The following ALPK2 variants were observed in gnomAD, a reference collection of about 807,000 sequenced individuals.
The protein encoded by ALPK2 is alpha-protein kinase 2.
A neutral mutation model predicts 163.1 loss-of-function variants in ALPK2; 127 were observed. The ratio of observed to expected loss-of-function variants is 0.78; its 90% CI spans 0.67 to 0.90. ALPK2 has a LOEUF of 0.90. Among genes scored for constraint, ALPK2 ranks in the 40% least tolerant of loss-of-function variants. The probability of loss-of-function intolerance (pLI) is 0.00; values close to 1 mark genes in which losing one functional copy is unlikely to be tolerated. For synonymous variants in ALPK2, 953 were observed against 959.1 expected, an observed-to-expected ratio of 0.99 and a Z score of 0.12; for missense variants, 2,360 against 2,589.6, an observed-to-expected ratio of 0.91 and a Z score of 1.92.
At chr18:58,494,333 A>C (rs1366563204) in intron 12 of ALPK2, among the ~76,000 whole-genome samples, 13 of 152,206 alleles carry the variant, frequency 8.5e-5, no homozygotes, top group Non-Finnish European at 1.5e-4. Flanking sequence ...ACATAATTAT[A>C]TCTCTGGCTC....
intron 10 of ALPK2, among the ~76,000 whole-genome samples, 184 bp downstream of exon 10, chr18:58,514,809 A>G (rs1249468273): frequency 6.7e-6 from 1 of 149,036 alleles, no homozygotes; most frequent in African/African-American, 2.4e-5. Flanking sequence ...TAATATTATT[A>G]TATTATATAA....
chr18:58,559,752 TA>T (rs1177446454), intron 4 of ALPK2, among the ~76,000 whole-genome samples: 1 of 152,222 alleles, frequency 6.6e-6, no homozygotes, highest in Non-Finnish European at 1.5e-5. Context: ...TCAGATTTTC[TA>T]AGCCAAAGAC....
At position 58,535,569 on chromosome 18, in the gene ALPK2, G is replaced by A. The variant is rs771622829; in HGVS notation, c.4618C>T (p.Pro1540Ser). 10 of 1,614,100 alleles carry A rather than the reference G, an allele frequency of 6.2e-6. No homozygotes were observed. Among genetic ancestry groups the A allele is most frequent in the Admixed American group, 3.3e-5 (2 of 60,008 alleles). Residue 1540 changes from proline to serine, a missense_variant, in exon 5 of 13, where the codon CCT (proline) becomes TCT (serine). Pro to Ser is a moderately conservative substitution (Grantham distance 74). Transcript: ENST00000361673. Reference protein sequence around the residue: ...DKAELISPTSPLSSCLPIMTH... With the variant: ...DKAELISPTSSLSSCLPIMTH... ...ATTATTGGAAGACAACTAGAAAGAG[G>A]TGAAGTGGGGGAAATCAATTCTGCT...
At chr18:58,585,680 CTTTTTT>C (rs71173066) in intron 3 of ALPK2, among the ~76,000 whole-genome samples, 1 of 77,634 alleles carries the variant, frequency 1.3e-5, no homozygotes. Context: ...TTCTATGTTG[CTTTTTT>C]TTTTTTTTTT....
chr18:58,541,291 G>T (rs145412784), intron 4 of ALPK2, among the ~76,000 whole-genome samples: 204 of 152,314 alleles, frequency 1.3e-3, no homozygotes, highest in African/African-American at 4.8e-3. Flanking sequence ...AGCGAGCAAG[G>T]GGGAGGTGCC....
At chr18:58,626,428 T>G (rs2144246991) in intron 1 of ALPK2, among the ~76,000 whole-genome samples, 1 of 152,260 alleles carries the variant, frequency 6.6e-6, no homozygotes, top group African/African-American at 2.4e-5. Flanking sequence ...CTAGTCCACT[T>G]CAAAGAGTTT....
chr18:58,624,545 C>G (rs567378145), intron 1 of ALPK2, among the ~76,000 whole-genome samples: 37 of 152,124 alleles, frequency 2.4e-4, no homozygotes, highest in African/African-American at 8.9e-4. Flanking sequence ...ACCTCTGCCT[C>G]CCGGGTTCAA....
At chr18:58,608,350 G>T (rs1181886994) in intron 2 of ALPK2, among the ~76,000 whole-genome samples, 1 of 152,130 alleles carries the variant, frequency 6.6e-6, no homozygotes, top group Non-Finnish European at 1.5e-5. Context: ...TCCTTCCCTG[G>T]TGTTCAATAA....
At chr18:58,611,277 CAAA>C (rs747542222) in intron 2 of ALPK2, among the ~76,000 whole-genome samples, 2 of 31,302 alleles carry the variant, frequency 6.4e-5, no homozygotes, top group Non-Finnish European at 4.9e-5. Context: ...GACTCCATCT[CAAA>C]AAAAAAAAAA....
chr18:58,523,816 C>G lies in ALPK2; in HGVS notation c.5655G>C (p.Gln1885His). The G allele has an allele frequency of 6.2e-7, 1 of 1,614,194 alleles. No homozygotes were observed. Among genetic ancestry groups the G allele is most frequent in the East Asian group, 2.2e-5 (1 of 44,890 alleles). Reference sequence around the variant, plus strand: ...CCCTAACTGACTTACCTTTAGTATCCTGGCGACTTGACAGCTGTTTGAGAA... The same window carrying G: ...CCCTAACTGACTTACCTTTAGTATCGTGGCGACTTGACAGCTGTTTGAGAA... ...AEVLKQLSSR[Q>H]DTKGCEEIEF... Residue 1885 changes from glutamine (Q) to histidine (H), a missense_variant, in exon 8 of 13, where the codon CAG (glutamine) becomes CAC (histidine). Coordinates refer to ENST00000361673, the MANE Select transcript of ALPK2 (RefSeq NM_052947.4).
chr18:58,497,986 C>T, intron 12 of ALPK2, 63 bp downstream of exon 12: 1 of 1,493,624 alleles, frequency 6.7e-7, no homozygotes, highest in South Asian at 1.1e-5. Context: ...CTGACAGTGT[C>T]TGCCTGGAAG....
chr18:58,588,888 A>T (rs945075012), intron 3 of ALPK2, among the ~76,000 whole-genome samples: 3 of 152,202 alleles, frequency 2.0e-5, no homozygotes, highest in Non-Finnish European at 2.9e-5. Context: ...TGGTGCTGCA[A>T]TGAACATATG....
intron 10 of ALPK2, among the ~76,000 whole-genome samples, chr18:58,506,534 A>G (rs1345290507): frequency 6.6e-6 from 1 of 152,076 alleles, no homozygotes; most frequent in Admixed American, 6.5e-5. Flanking sequence ...CAATTCATTC[A>G]ATGAACATCC....
At chr18:58,621,298 G>A (rs373673240) in intron 1 of ALPK2, among the ~76,000 whole-genome samples, 15 of 149,406 alleles carry the variant, frequency 1.0e-4, no homozygotes, top group Admixed American at 4.7e-4. Context: ...TTTTTGAGGC[G>A]GAGTCTCGCT....
chr18:58,508,288 C>T (rs564477669), intron 10 of ALPK2, among the ~76,000 whole-genome samples: 1 of 152,318 alleles, frequency 6.6e-6, no homozygotes, highest in Admixed American at 6.5e-5. Context: ...AATAATAAAA[C>T]TCCAGTCTCC....
At position 58,579,612 on chromosome 18, in the gene ALPK2, C is replaced by T. The variant is rs78302914; in HGVS notation, c.1164G>A (p.Ser388=). 272 of 1,613,810 alleles carry T rather than the reference C, an allele frequency of 1.7e-4. 1 individual carries two copies. In the African/African-American group the frequency reaches 2.6e-3, roughly 15 times the overall value. ...TGGCAACCATAGGCCCAGCGTCACC[C>T]GACACCCGAGACCCACAACCCATTC... is the stretch of plus-strand genomic sequence containing the variant. The part of the protein sequence containing the change: ...LSGMGCGSRV[S]GDAGPMVATA... The change falls in exon 4 of 13, where the codon TCG becomes TCA. Residue 388 remains serine (S), a synonymous_variant. Coordinates refer to ENST00000361673, the MANE Select transcript of ALPK2 (RefSeq NM_052947.4).
Position 58,578,740 on chromosome 18 carries a change from A to ACACGCGCGCACGCGCGCG in ALPK2, c.1962+73_1962+74insCGCGCGCGTGCGCGCGTG, listed in dbSNP as rs757230132. 9,362 of 1,091,486 alleles carry ACACGCGCGCACGCGCGCG rather than the reference A, an allele frequency of 8.6e-3. 138 individuals are homozygous for ACACGCGCGCACGCGCGCG. Among genetic ancestry groups the ACACGCGCGCACGCGCGCG allele is most frequent in the East Asian group, 0.017 (599 of 36,246 alleles). The allele number at this position is 1,091,486 out of a possible 1,614,324, so 67.6% of individuals were successfully genotyped here. ...ATGTGAAGTAAAGGAAGAGACACAC[A>ACACGCGCGCACGCGCGCG]CACACACACACACACACACACACAC... On this transcript the variant is annotated intron_variant, in intron 4 of 12. Coordinates refer to ENST00000361673, the MANE Select transcript of ALPK2 (RefSeq NM_052947.4).
chr18:58,538,802 A>G (rs2051672680), intron 4 of ALPK2, among the ~76,000 whole-genome samples: 1 of 152,114 alleles, frequency 6.6e-6, no homozygotes. Flanking sequence ...ATCTCTTACG[A>G]ATAGATTTAT....
At chr18:58,622,666 G>T (rs1027677096) in intron 1 of ALPK2, among the ~76,000 whole-genome samples, 5 of 152,202 alleles carry the variant, frequency 3.3e-5, no homozygotes, top group Admixed American at 3.3e-4. Flanking sequence ...ACTTTGGTTT[G>T]AAGTTGAATG....
Sources: allele counts gnomAD v4.1 joint callset (sites outside exome capture counted in the v4.1 genomes callset), GRCh38; gene constraint gnomAD v4.1.1; transcripts MANE v1.5; gene names NCBI Gene and HGNC (gene_info 2026-07-23, HGNC 2026-07-21).